WWC2: variants seen among roughly 807,000 people sequenced by gnomAD.
The protein encoded by WWC2 is protein WWC2.
A neutral mutation model predicts 138.5 loss-of-function variants in WWC2; 101 were observed. That is an observed-to-expected ratio of 0.73 (90% CI 0.62 to 0.86). WWC2 has a LOEUF of 0.86. WWC2 is among the 40% of genes least tolerant of loss of function. The pLI, the probability that WWC2 is intolerant of heterozygous loss-of-function variation, is 0.00. For missense variants in WWC2, 1,420 were observed against 1,419.4 expected (o/e 1.00, Z -0.01); for synonymous variants, 558 against 538.4 (o/e 1.04, Z -0.50).
intron 1 of WWC2, among the ~76,000 whole-genome samples, chr4:183,125,560 A>G (rs1203351419): frequency 6.6e-6 from 1 of 152,224 alleles, no homozygotes; most frequent in African/African-American, 2.4e-5. Flanking sequence ...TTGGTATTGC[A>G]TTGTGTAATA....
intron 1 of WWC2, among the ~76,000 whole-genome samples, chr4:183,173,998 C>G (rs1283208750): frequency 6.6e-6 from 1 of 152,168 alleles, no homozygotes; most frequent in Non-Finnish European, 1.5e-5. Flanking sequence ...GTCAGTAGAT[C>G]TTTTCTCTTG....
rs1739437742 is a variant in WWC2 at position 183,316,288 on chromosome 4, C to T, written c.*559C>T. 6.6e-6 allele frequency: 1 copy of T among 152,286 alleles called. No individual in the cohort carries two copies. Among genetic ancestry groups the T allele is most frequent in the African/African-American group, 2.4e-5 (1 of 41,434 alleles). 9.4% of individuals were successfully genotyped at this position (152,286 alleles called of 1,614,324 possible). Reference sequence around the variant, plus strand: ...TCACCTGTGCGGGAACACCTGGTTTCCTTAAGACAATTTCCTTTTTGTCCT... The same window carrying T: ...TCACCTGTGCGGGAACACCTGGTTTTCTTAAGACAATTTCCTTTTTGTCCT... On this transcript the variant is annotated 3_prime_UTR_variant, in exon 23 of 23. Coordinates refer to ENST00000403733, the MANE Select transcript of WWC2 (RefSeq NM_024949.6).
intron 1 of WWC2, among the ~76,000 whole-genome samples, chr4:183,155,498 A>C (rs1733781091): frequency 6.6e-6 from 1 of 152,114 alleles, no homozygotes; most frequent in Non-Finnish European, 1.5e-5. Context: ...GTATTTTAGA[A>C]TGAAGAATCT....
chr4:183,239,012 G>A (rs147302439), intron 4 of WWC2, among the ~76,000 whole-genome samples: 2 of 152,244 alleles, frequency 1.3e-5, no homozygotes, highest in South Asian at 2.1e-4. Context: ...GCAACAGAAT[G>A]TGTTTAAAAC....
chr4:183,269,723 A>G (rs1737637507), intron 15 of WWC2: 2 of 314,198 alleles, frequency 6.4e-6, no homozygotes, highest in East Asian at 1.5e-4. Flanking sequence ...ACTGAGTACT[A>G]TATAGTACCC....
intron 21 of WWC2, among the ~76,000 whole-genome samples, 169 bp from the exon 22 acceptor site, chr4:183,312,172 G>C (rs1739272465): frequency 6.6e-6 from 1 of 152,186 alleles, no homozygotes; most frequent in Non-Finnish European, 1.5e-5. Flanking sequence ...AGCATGAGTT[G>C]GTCATGTGGG....
chr4:183,228,673 T>C (rs1338191932), intron 4 of WWC2, among the ~76,000 whole-genome samples: 2 of 152,036 alleles, frequency 1.3e-5, no homozygotes, highest in East Asian at 3.8e-4. Context: ...AGACGAACAA[T>C]ATGAAGCGTC....
intron 1 of WWC2, among the ~76,000 whole-genome samples, chr4:183,179,860 A>G (rs975414407): frequency 6.6e-6 from 1 of 152,162 alleles, no homozygotes; most frequent in South Asian, 2.1e-4. Flanking sequence ...ACTGTGTACC[A>G]TGTATGTGTT....
At chr4:183,243,041 T>G (rs986395443) in intron 5 of WWC2, among the ~76,000 whole-genome samples, 1 of 152,220 alleles carries the variant, frequency 6.6e-6, no homozygotes, top group African/African-American at 2.4e-5. Flanking sequence ...TCTTCACATT[T>G]AGCATTCTGT....
intron 2 of WWC2, among the ~76,000 whole-genome samples, 184 bp downstream of exon 2, chr4:183,193,892 G>T (rs763915821): frequency 2.0e-5 from 3 of 152,160 alleles, no homozygotes; most frequent in Non-Finnish European, 4.4e-5. Context: ...GTCCTTATGG[G>T]GGCGGAGAGG....
At chr4:183,190,275 T>C (rs1734955215) in intron 1 of WWC2, among the ~76,000 whole-genome samples, 1 of 152,212 alleles carries the variant, frequency 6.6e-6, no homozygotes, top group African/African-American at 2.4e-5. Flanking sequence ...AAGAAATTCC[T>C]TGTGCACAAC....
At chr4:183,198,519 G>A (rs1207779011) in intron 2 of WWC2, among the ~76,000 whole-genome samples, 1 of 151,694 alleles carries the variant, frequency 6.6e-6, no homozygotes, top group Non-Finnish European at 1.5e-5. Context: ...CATCGCAAAT[G>A]GGATTATATT....
At chr4:183,154,767 C>A (rs17090670) in intron 1 of WWC2, among the ~76,000 whole-genome samples, 7,345 of 152,166 alleles carry the variant, frequency 0.048, 598 homozygotes, top group African/African-American at 0.17. Flanking sequence ...GCAGTTGTGG[C>A]GCCTAGGAGG....
chr4:183,216,851 A>G (rs1735773723), intron 4 of WWC2, among the ~76,000 whole-genome samples: 1 of 152,212 alleles, frequency 6.6e-6, no homozygotes, highest in East Asian at 1.9e-4. Flanking sequence ...GGTCTCCTCA[A>G]ATCTTTGACT....
intron 16 of WWC2, among the ~76,000 whole-genome samples, chr4:183,274,283 G>T (rs1053338476): frequency 6.6e-6 from 1 of 152,166 alleles, no homozygotes; most frequent in Non-Finnish European, 1.5e-5. Context: ...TTTCATGGGG[G>T]TAGAATTGGA....
At chr4:183,247,587 A>ATATATGC (rs1560864595) in intron 6 of WWC2, among the ~76,000 whole-genome samples, 2 of 138,578 alleles carry the variant, frequency 1.4e-5, no homozygotes, top group Admixed American at 7.3e-5. Context: ...ACTATATACT[A>ATATATGC]TATATATGCT....
intron 8 of WWC2, among the ~76,000 whole-genome samples, chr4:183,250,670 A>T (rs1489315360): frequency 6.6e-6 from 1 of 152,124 alleles, no homozygotes; most frequent in Non-Finnish European, 1.5e-5. Flanking sequence ...CATAATATAG[A>T]ACTCCTTATT....
intron 4 of WWC2, among the ~76,000 whole-genome samples, chr4:183,226,029 G>GA (rs1736060191): frequency 6.6e-6 from 1 of 151,290 alleles, no homozygotes. Context: ...AGCTAAGTTA[G>GA]AAGTCAATAA....
intron 17 of WWC2, among the ~76,000 whole-genome samples, chr4:183,281,691 C>T (rs938604975): frequency 6.6e-6 from 1 of 152,088 alleles, no homozygotes; most frequent in African/African-American, 2.4e-5. Context: ...CAGTCATGGA[C>T]ATTTGGAAGG....
Sources: allele counts gnomAD v4.1 joint callset (sites outside exome capture counted in the v4.1 genomes callset), GRCh38; gene constraint gnomAD v4.1.1; transcripts MANE v1.5; gene names NCBI Gene and HGNC (gene_info 2026-07-23, HGNC 2026-07-21).